NOP9: variants seen among roughly 807,000 people sequenced by gnomAD.
NOP9 encodes the protein NOP9 nucleolar protein.
Under a neutral mutation model 63.0 loss-of-function variants are expected in NOP9, and 50 were observed. The observed-to-expected ratio is 0.79, with a 90% CI of 0.63 to 1.00. NOP9 has a LOEUF of 1.00. Ranked by LOEUF, NOP9 falls within the 50% of genes least tolerant of loss-of-function variation. NOP9 has a pLI of 0.00. For synonymous variants in NOP9, 343 were observed against 332.8 expected (o/e 1.03, Z -0.33); for missense variants, 758 against 803.0 (o/e 0.94, Z 0.68).
At chr14:24,275,741 C>T in the NOP9 span, among the ~76,000 whole-genome samples, 1 of 152,192 alleles carries the variant, frequency 6.6e-6, no homozygotes, top group Admixed American at 6.5e-5. Flanking sequence ...GGAGCAAGTG[C>T]GAGACAGGTA....
chr14:24,300,202 G>A lies in NOP9; in HGVS notation c.247+1G>A, dbSNP rs760881723. 7 of 1,613,586 alleles carry A rather than the reference G, an allele frequency of 4.3e-6. No individual in the cohort carries two copies. Among genetic ancestry groups the A allele is most frequent in the Non-Finnish European group, 5.9e-6 (7 of 1,179,592 alleles). ...GCTCCCGAGACTGGGGAAGAACGAG[G>A]TAGGCAGCAACTTCGGGGTTTAGAC... is the stretch of plus-strand genomic sequence containing the variant. On this transcript the variant is annotated splice_donor_variant, in intron 1 of 9. Coordinates refer to ENST00000267425, the MANE Select transcript of NOP9 (RefSeq NM_174913.3). LOFTEE classifies it high-confidence loss of function.
At chr14:24,284,150 A>AC in the NOP9 span, among the ~76,000 whole-genome samples, 1 of 152,004 alleles carries the variant, frequency 6.6e-6, no homozygotes, top group Non-Finnish European at 1.5e-5. Flanking sequence ...ATGTCCTGTC[A>AC]CCCCCCAGGA....
the NOP9 span, among the ~76,000 whole-genome samples, chr14:24,280,623 G>A: frequency 1.3e-5 from 2 of 152,228 alleles, no homozygotes; most frequent in Non-Finnish European, 2.9e-5. Flanking sequence ...CGCCAGTACA[G>A]CTCAATATAC....
chr14:24,306,549 G>A lies in NOP9; in HGVS notation c.*1454G>A. 6.2e-7 allele frequency: 1 copy of A among 1,614,184 alleles called. No homozygotes were observed. Among genetic ancestry groups the A allele is most frequent in the Non-Finnish European group, 8.5e-7 (1 of 1,180,006 alleles). On this transcript the variant is annotated 3_prime_UTR_variant, in exon 10 of 10. Coordinates refer to ENST00000267425, the MANE Select transcript of NOP9 (RefSeq NM_174913.3). ...CTGCCCAATGGCAAGAAGCAAGAAG[G>A]GCAGGTCTTATCCCATGCCCCTTCC...
At chr14:24,281,701 G>T in the NOP9 span, among the ~76,000 whole-genome samples, 1 of 152,220 alleles carries the variant, frequency 6.6e-6, no homozygotes. Context: ...AGGCAAAATG[G>T]GGTTGGGGGC....
At chr14:24,273,115 T>C in the NOP9 span, among the ~76,000 whole-genome samples, 1 of 152,098 alleles carries the variant, frequency 6.6e-6, no homozygotes, top group African/African-American at 2.4e-5. Context: ...TTGCGAATAG[T>C]GTGTCCATGT....
At chr14:24,302,163 G>C in intron 4 of NOP9, 57 bp downstream of exon 4, 1 of 1,602,216 alleles carries the variant, frequency 6.2e-7, no homozygotes, top group Non-Finnish European at 8.5e-7. Context: ...AAATGAATGA[G>C]GTGATGTAGT....
At position 24,303,720 on chromosome 14, in the gene NOP9, C is replaced by T. The variant is rs1229961506; in HGVS notation, c.1285-12C>T. Reference sequence around the variant, plus strand: ...AGTTCTCAGGTTCATCATATTCTGTCTTCTCCTTTAGGCATTCCACTGTGC... The same window carrying T: ...AGTTCTCAGGTTCATCATATTCTGTTTTCTCCTTTAGGCATTCCACTGTGC... On this transcript the variant is annotated splice_polypyrimidine_tract_variant and intron_variant, in intron 6 of 9. Transcript: ENST00000267425. 3.1e-6 allele frequency: 5 copies of T among 1,611,440 alleles called. No individual in the cohort carries two copies. The South Asian group carries it at 3.3e-5, about 11-fold the overall frequency.
At chr14:24,275,731 G>A in the NOP9 span, among the ~76,000 whole-genome samples, 3 of 152,360 alleles carry the variant, frequency 2.0e-5, no homozygotes, top group South Asian at 2.1e-4. Flanking sequence ...GACGGCAGGG[G>A]GAGCAAGTGC....
the NOP9 span, among the ~76,000 whole-genome samples, chr14:24,275,481 T>C: frequency 6.6e-6 from 1 of 152,234 alleles, no homozygotes; most frequent in Non-Finnish European, 1.5e-5. Flanking sequence ...GCCAGAGGCC[T>C]GAACCTGAGT....
the NOP9 span, chr14:24,292,389 C>T: frequency 5.0e-6 from 8 of 1,603,442 alleles, no homozygotes; most frequent in Non-Finnish European, 6.8e-6. Flanking sequence ...TCCTGCCCTG[C>T]CCTCTCTGCT....
intron 2 of NOP9, 136 bp downstream of exon 2, chr14:24,300,993 A>G (rs2041366847): frequency 1.4e-5 from 10 of 728,290 alleles, no homozygotes; most frequent in Non-Finnish European, 1.8e-5. Context: ...CCTAATCTGA[A>G]CAGGGCTTAG....
rs146748676 is a variant in NOP9, at chr14:24,307,800, C to G, written c.*2705C>G. The G allele has an allele frequency of 1.3e-6, 2 of 1,588,166 alleles. No individual in the cohort carries two copies. Among genetic ancestry groups the G allele is most frequent in the East Asian group, 2.3e-5 (1 of 44,024 alleles). Reference sequence around the variant, plus strand: ...TATCCCCTAAAGGTGGAGGGTAGAGCGGAGGGTTAGCAGTCACCTGAGTAA... The same window carrying G: ...TATCCCCTAAAGGTGGAGGGTAGAGGGGAGGGTTAGCAGTCACCTGAGTAA... On this transcript the variant is annotated 3_prime_UTR_variant, in exon 10 of 10. Coordinates refer to ENST00000267425, the MANE Select transcript of NOP9 (RefSeq NM_174913.3).
rs772136432 is a variant in NOP9, at chr14:24,302,293, G to C, written c.1012G>C (p.Val338Leu). Residue 338 changes from valine (V) to leucine (L), a missense_variant, in exon 5 of 10, where the codon GTG becomes CTG. Transcript: ENST00000267425. Reference sequence around the variant, plus strand: ...CAGACTCCTGGAGCAGGTCCTGCTGGTGTTGGAGCCCCCAAGACTCCAGAG... The same window carrying C: ...CAGACTCCTGGAGCAGGTCCTGCTGCTGTTGGAGCCCCCAAGACTCCAGAG... The part of the protein sequence containing the change: ...SSRLLEQVLL[V>L]LEPPRLQSLF... The C allele has an allele frequency of 1.7e-5, 28 of 1,614,170 alleles. No homozygotes were observed. The highest frequency in any genetic ancestry group is 2.1e-5 in the Non-Finnish European group (25 of 1,180,012).
chr14:24,297,369 T>C (rs983743831), upstream of NOP9, among the ~76,000 whole-genome samples: 1 of 152,232 alleles, frequency 6.6e-6, no homozygotes. Flanking sequence ...CTATCAGCCA[T>C]GAATGATTTC....
chr14:24,282,392 G>T, the NOP9 span, among the ~76,000 whole-genome samples: 1 of 152,178 alleles, frequency 6.6e-6, no homozygotes, highest in African/African-American at 2.4e-5. Context: ...TGTGGCAGAT[G>T]AAAAGAGTAG....
chr14:24,276,504 G>T, the NOP9 span, among the ~76,000 whole-genome samples: 2 of 152,052 alleles, frequency 1.3e-5, no homozygotes, highest in African/African-American at 2.4e-5. Context: ...TGCCCAGGCT[G>T]GTCTCCAACT....
the NOP9 span, among the ~76,000 whole-genome samples, chr14:24,287,976 C>A: frequency 6.6e-6 from 1 of 152,246 alleles, no homozygotes; most frequent in South Asian, 2.1e-4. Context: ...TGAATCTCTT[C>A]TACCTTCAAT....
upstream of NOP9, chr14:24,299,660 C>A: frequency 2.8e-6 from 1 of 356,344 alleles, no homozygotes; most frequent in Non-Finnish European, 5.1e-6. Flanking sequence ...ATTGAGCCGG[C>A]GACGTGGAGG....
Sources: allele counts gnomAD v4.1 joint callset (sites outside exome capture counted in the v4.1 genomes callset), GRCh38; gene constraint gnomAD v4.1.1; transcripts MANE v1.5; gene names NCBI Gene and HGNC (gene_info 2026-07-23, HGNC 2026-07-21).